RAF1: variants seen among roughly 807,000 people sequenced by gnomAD.
RAF1 encodes Raf-1 proto-oncogene, serine/threonine kinase.
A neutral mutation model predicts 81.1 loss-of-function variants in RAF1; 27 were observed. That is an observed-to-expected ratio of 0.33 (90% CI 0.25 to 0.46). The LOEUF is 0.46. RAF1 is among the 20% of genes least tolerant of loss of function. The pLI is 1.00. For synonymous variants in RAF1, 298 were observed against 294.0 expected, an observed-to-expected ratio of 1.01 and a Z score of -0.14; for missense variants, 598 against 826.0, an observed-to-expected ratio of 0.72 and a Z score of 3.38.
At position 12,605,306 on chromosome 3, in the gene RAF1, G is replaced by A. The variant is rs1219491555; in HGVS notation, c.680+895C>T. On this transcript the variant is annotated intron_variant, in intron 6 of 17. Coordinates refer to ENST00000442415, the MANE Select transcript of RAF1 (RefSeq NM_001354689.3). ...TGTATACATAATATATTTTTTTTTG[G>A]AGACAGAGTCTTGCTCTGTCACCAA... Among the ~76,000 whole-genome samples the A allele has an allele frequency of 9.4e-5, 12 of 127,822 alleles. No individual in the cohort carries two copies. The Admixed American group carries it at 9.4e-4, about 10-fold the overall frequency. 83.9% of individuals were successfully genotyped at this position (127,822 alleles called of 152,430 possible). A position where few individuals can be genotyped will look rare whatever the true frequency, so the allele number is the denominator to read the frequency against.
In RAF1 at chr3:12,585,554, T is replaced by C. The variant is rs2058304910; in HGVS notation, c.1596+127A>G. 2.2e-6 allele frequency: 3 copies of C among 1,345,764 alleles called. No homozygotes were observed. In the Admixed American group the frequency reaches 5.6e-5, roughly 25 times the overall value. 83.4% of individuals were successfully genotyped at this position (1,345,764 alleles called of 1,614,324 possible). ...AGAAAATCTACAATTGCCCTGAGGC[T>C]GGCTGTCACTAGGGGTCATGTGGAT... is the stretch of plus-strand genomic sequence containing the variant. On this transcript the variant is annotated intron_variant, in intron 15 of 17. Coordinates refer to ENST00000442415, the MANE Select transcript of RAF1 (RefSeq NM_001354689.3).
chr3:12,608,568 C>A, intron 5 of RAF1, 198 bp downstream of exon 5: 1 of 628,770 alleles, frequency 1.6e-6, no homozygotes, highest in Non-Finnish European at 2.8e-6. Flanking sequence ...CCTACTCCTA[C>A]CTGCTCATTC....
intron 13 of RAF1, chr3:12,588,723 A>AC (rs1240777174): frequency 6.6e-6 from 1 of 152,212 alleles, no homozygotes; most frequent in African/African-American, 2.4e-5. Context: ...ATCCATAGAA[A>AC]CAGAAAGTAG....
intron 1 of RAF1, among the ~76,000 whole-genome samples, chr3:12,662,306 AG>A (rs1301747882): frequency 7.0e-6 from 1 of 143,698 alleles, no homozygotes; most frequent in Non-Finnish European, 1.5e-5. Flanking sequence ...ACTGCACTCT[AG>A]CCTGGGCGAC....
At chr3:12,602,526 A>T (rs1340929845) in intron 8 of RAF1, among the ~76,000 whole-genome samples, 1 of 150,980 alleles carries the variant, frequency 6.6e-6, no homozygotes, top group Non-Finnish European at 1.5e-5. Flanking sequence ...TAATTTTTAC[A>T]TTTTTTTTTG....
intron 1 of RAF1, among the ~76,000 whole-genome samples, chr3:12,655,485 A>C (rs558863370): frequency 1.3e-5 from 2 of 152,336 alleles, no homozygotes; most frequent in African/African-American, 4.8e-5. Flanking sequence ...GGAAATGTAA[A>C]ATGGTGCAGT....
intron 1 of RAF1, among the ~76,000 whole-genome samples, chr3:12,645,243 G>A (rs558018205): frequency 1.3e-5 from 2 of 151,834 alleles, no homozygotes; most frequent in Non-Finnish European, 2.9e-5. Context: ...GTGTAGTTCC[G>A]ACTCAAAAAA....
At chr3:12,662,712 A>C (rs2060918072) in intron 1 of RAF1, among the ~76,000 whole-genome samples, 1 of 152,056 alleles carries the variant, frequency 6.6e-6, no homozygotes, top group African/African-American at 2.4e-5. Flanking sequence ...TCACCCGATG[A>C]GCACTTACTC....
chr3:12,606,396 CTGAACT>C, intron 5 of RAF1, 97 bp from the exon 6 acceptor site: 1 of 828,260 alleles, frequency 1.2e-6, no homozygotes. Context: ...GCTACTAAAA[CTGAACT>C]TTTCCCAGTC....
chr3:12,607,540 C>G (rs2059072542), intron 5 of RAF1, among the ~76,000 whole-genome samples: 1 of 152,060 alleles, frequency 6.6e-6, no homozygotes, highest in African/African-American at 2.4e-5. Context: ...CCCAGCTACT[C>G]AGGAGGCTGA....
At chr3:12,604,791 G>A (rs924717730) in intron 6 of RAF1, among the ~76,000 whole-genome samples, 8 of 152,250 alleles carry the variant, frequency 5.3e-5, no homozygotes, top group African/African-American at 1.9e-4. Context: ...AAATAAATGG[G>A]AATTCAGTTT....
chr3:12,585,110 G>C lies in RAF1; in HGVS notation c.1728+12C>G, dbSNP rs367803609. On this transcript the variant is annotated intron_variant, in intron 16 of 17. Coordinates refer to ENST00000442415, the MANE Select transcript of RAF1 (RefSeq NM_001354689.3). ...CCACGAGTTGGGTCCTTTCGCACCAGCACAGACTTACCTGATCTCGGTTGT... is the reference window on the plus strand; with the variant it reads ...CCACGAGTTGGGTCCTTTCGCACCACCACAGACTTACCTGATCTCGGTTGT... 1.2e-6 allele frequency: 2 copies of C among 1,614,150 alleles called. No homozygotes were observed. The highest frequency in any genetic ancestry group is 1.7e-6 in the Non-Finnish European group (2 of 1,180,024).
At chr3:12,595,088 C>T (rs975939237) in intron 11 of RAF1, among the ~76,000 whole-genome samples, 3 of 152,184 alleles carry the variant, frequency 2.0e-5, no homozygotes, top group African/African-American at 7.2e-5. Context: ...CCTCGCCCCA[C>T]TCTGGCTCTT....
intron 2 of RAF1, among the ~76,000 whole-genome samples, chr3:12,615,701 C>G (rs1278535516): frequency 6.6e-6 from 1 of 152,142 alleles, no homozygotes; most frequent in Non-Finnish European, 1.5e-5. Context: ...CTTCCAACCA[C>G]CAGCTGTGCT....
Position 12,600,115 on chromosome 3 carries a change from A to T in RAF1, c.1050+37T>A, listed in dbSNP as rs183383912. 16 of 1,613,466 alleles carry T rather than the reference A, an allele frequency of 9.9e-6. No homozygotes were observed. In the East Asian group the frequency reaches 3.1e-4, roughly 31 times the overall value. On this transcript the variant is annotated intron_variant, in intron 10 of 17. Coordinates refer to ENST00000442415, the MANE Select transcript of RAF1 (RefSeq NM_001354689.3). ...TTTCCAACGAGGTTTTTCTTACTGA[A>T]CCCTAATTGGCAGGAGGTACTGTTG...
At chr3:12,605,771 G>C (rs944390235) in intron 6 of RAF1, among the ~76,000 whole-genome samples, 4 of 152,176 alleles carry the variant, frequency 2.6e-5, no homozygotes, top group African/African-American at 4.8e-5. Flanking sequence ...TGTTTTTAAA[G>C]ACACTAGTCT....
chr3:12,657,221 G>C (rs2060723967), intron 1 of RAF1, among the ~76,000 whole-genome samples: 1 of 152,122 alleles, frequency 6.6e-6, no homozygotes, highest in Admixed American at 6.6e-5. Context: ...TATATACTTA[G>C]TCTGGTAGCC....
intron 1 of RAF1, among the ~76,000 whole-genome samples, chr3:12,640,797 C>T (rs1237820566): frequency 1.3e-5 from 2 of 152,116 alleles, no homozygotes; most frequent in African/African-American, 4.8e-5. Flanking sequence ...TTGTGGAAGT[C>T]AGTGTGGCGA....
chr3:12,591,589 C>A (rs1032477728), intron 12 of RAF1, 119 bp downstream of exon 11: 1 of 836,136 alleles, frequency 1.2e-6, no homozygotes, highest in Non-Finnish European at 2.0e-6. Flanking sequence ...CACAGAAACT[C>A]CACAGTGAGT....
Sources: gnomAD v4.1 joint callset for allele counts (sites outside exome capture counted in the v4.1 genomes callset) on GRCh38, gnomAD v4.1.1 for gene constraint, MANE v1.5 for transcripts, NCBI Gene and HGNC (gene_info 2026-07-23, HGNC 2026-07-21) for gene names.